ATG16L2: variants seen among roughly 807,000 people sequenced by gnomAD.
ATG16L2 encodes the protein protein Atg16l2.
ATG16L2 carries 77 observed loss-of-function variants against 84.7 expected under a neutral mutation model. That is an observed-to-expected ratio of 0.91 (90% CI 0.76 to 1.10). The LOEUF is 1.10. Ranked by LOEUF, ATG16L2 falls within the 50% of genes least tolerant of loss-of-function variation. The pLI is 0.00. For synonymous variants in ATG16L2, 361 were observed against 342.8 expected, an observed-to-expected ratio of 1.05 and a Z score of -0.59; for missense variants, 782 against 817.6, an observed-to-expected ratio of 0.96 and a Z score of 0.53.
At chr11:72,840,746 C>T in intron 5 of ATG16L2, 1 of 632,428 alleles carries the variant, frequency 1.6e-6, no homozygotes, top group Non-Finnish European at 2.8e-6. Context: ...GCTCTTTTTA[C>T]CTTCCCAAAC....
rs564099987 is a variant in ATG16L2, at chr11:72,825,230, A to G, written c.997-72A>G. 388 of 1,195,020 alleles carry G rather than the reference A, an allele frequency of 3.2e-4. 4 individuals carry two copies. In the South Asian group the frequency reaches 4.2e-3, roughly 13 times the overall value. 74.0% of individuals were successfully genotyped at this position (1,195,020 alleles called of 1,614,324 possible). ...AGGCTGTGTCTGCACAGGCACCGGT[A>G]AGAGGGCCCGTGAGCACTCACAGAG... is the stretch of plus-strand genomic sequence containing the variant. On this transcript the variant is annotated intron_variant, in intron 9 of 17. Transcript: ENST00000321297.
chr11:72,825,416 C>G lies in ATG16L2; in HGVS notation c.1102+9C>G. 4 of 1,606,788 alleles carry G rather than the reference C, an allele frequency of 2.5e-6. No homozygotes were observed. The highest frequency in any genetic ancestry group is 3.4e-6 in the Non-Finnish European group (4 of 1,177,304). ...CTGGAATGTTGTGGGAAGTAAGGAG[C>G]CCTCCCCTGCCGGCCAACTTGGTGC... On this transcript the variant is annotated intron_variant, in intron 10 of 17. Transcript: ENST00000321297.
At chr11:72,841,151 GAAT>G (rs2135150142) in intron 5 of ATG16L2, among the ~76,000 whole-genome samples, 1 of 151,884 alleles carries the variant, frequency 6.6e-6, no homozygotes, top group African/African-American at 2.4e-5. Flanking sequence ...CTGGGTGACA[GAAT>G]AATACCCTTT....
chr11:72,826,037 C>A, intron 10 of ATG16L2, 136 bp from the exon 11 acceptor site: 2 of 701,020 alleles, frequency 2.9e-6, no homozygotes, highest in East Asian at 2.8e-5. Flanking sequence ...GCAGAACAGA[C>A]CCAGCGATTC....
chr11:72,822,351 G>A lies in ATG16L2; in HGVS notation c.644+56G>A. 1 of 1,548,520 alleles carries A rather than the reference G, an allele frequency of 6.5e-7. No individual in the cohort carries two copies. Among genetic ancestry groups the A allele is most frequent in the Non-Finnish European group, 8.7e-7 (1 of 1,148,814 alleles). ...AAAGGCCCCGCCCCTGCAGGGAGGA[G>A]TCGGGCCTCGCCGGTGTCTGGAAGG... On this transcript the variant is annotated intron_variant, in intron 5 of 17. Coordinates refer to ENST00000321297, the MANE Select transcript of ATG16L2 (RefSeq NM_033388.2). This position sits in a 1 kb window ranked among gnomAD's most constrained non-coding sequence, Gnocchi z 4.2.
chr11:72,843,714 C>G, downstream of ATG16L2: 1 of 587,358 alleles, frequency 1.7e-6, no homozygotes, highest in Non-Finnish European at 3.0e-6. Flanking sequence ...AAAAACTAAA[C>G]AGAATAAAAC....
rs763885595 is a variant in ATG16L2, at chr11:72,816,828, G to A, written c.218+1G>A. 4 of 1,613,728 alleles carry A rather than the reference G, an allele frequency of 2.5e-6. No individual in the cohort carries two copies. Among genetic ancestry groups the A allele is most frequent in the Non-Finnish European group, 2.5e-6 (3 of 1,179,592 alleles). On this transcript the variant is annotated splice_donor_variant, in intron 2 of 17. Transcript: ENST00000321297. LOFTEE classifies it high-confidence loss of function. ...CTCCCACCACCCACCAGGGCCCCTG[G>A]TAAGTGTATGTGGGTCCGTGGTCAC...
chr11:72,820,787 CTGG>C (rs1392398485), intron 3 of ATG16L2, among the ~76,000 whole-genome samples: 1 of 152,112 alleles, frequency 6.6e-6, no homozygotes, highest in Non-Finnish European at 1.5e-5. Flanking sequence ...TCTTGTCACA[CTGG>C]TGGGAGCTGC....
chr11:72,820,178 C>T (rs922011517), intron 3 of ATG16L2: 32 of 152,184 alleles, frequency 2.1e-4, no homozygotes, highest in African/African-American at 7.7e-4. Context: ...TTCCTGCATC[C>T]CCTTCCCCCA....
At chr11:72,814,926 G>C (rs1859618267) in intron 1 of ATG16L2, among the ~76,000 whole-genome samples, 1 of 152,250 alleles carries the variant, frequency 6.6e-6, no homozygotes, top group African/African-American at 2.4e-5. Context: ...ACTTAGTCTC[G>C]GTAGCGCAGT....
At position 72,829,020 on chromosome 11, in the gene ATG16L2, C is replaced by T. The variant is rs770289267; in HGVS notation, c.1772+36C>T. ...CCTCCACCTGGCCACCTGCCTGGCCCCAGTCCTGCCAGGCTGATTCCAGGT... is the reference window on the plus strand; with the variant it reads ...CCTCCACCTGGCCACCTGCCTGGCCTCAGTCCTGCCAGGCTGATTCCAGGT... On this transcript the variant is annotated intron_variant, in intron 17 of 17. Transcript: ENST00000321297. 22 of 1,588,576 alleles carry T rather than the reference C, an allele frequency of 1.4e-5. No individual in the cohort carries two copies. The South Asian group carries it at 2.3e-4, about 17-fold the overall frequency.
chr11:72,823,402 T>C (rs1746189000), intron 7 of ATG16L2: 17 of 351,374 alleles, frequency 4.8e-5, no homozygotes, highest in South Asian at 3.7e-4. Flanking sequence ...CATGTGTAGA[T>C]GTGTGCTCAC....
At chr11:72,818,056 A>G (rs1859792576) in intron 3 of ATG16L2, 4 of 577,222 alleles carry the variant, frequency 6.9e-6, no homozygotes, top group South Asian at 4.1e-5. Context: ...GTGGGCTCCA[A>G]CAGCAGCTGG....
intron 9 of ATG16L2, 99 bp from the exon 10 acceptor site, chr11:72,825,203 G>C (rs1860273402): frequency 1.1e-6 from 1 of 892,072 alleles, no homozygotes; most frequent in Admixed American, 2.0e-5. Context: ...CACGTCTGCA[G>C]CAGGCTGTGT....
chr11:72,816,457 C>T (rs1859702934), intron 1 of ATG16L2: 1 of 404,988 alleles, frequency 2.5e-6, no homozygotes, highest in Non-Finnish European at 4.6e-6. Flanking sequence ...GCGGGCAGTA[C>T]CCCGCAGTGG....
chr11:72,820,108 ATTAAC>A (rs1157706884), intron 3 of ATG16L2: 4 of 152,196 alleles, frequency 2.6e-5, no homozygotes, highest in Non-Finnish European at 5.9e-5. Flanking sequence ...TATCATTATT[ATTAAC>A]TTTTTATTTT....
In ATG16L2 at chr11:72,841,000, T is replaced by C. The variant is rs546496996; in HGVS notation, c.*22-1617T>C. 4 of 1,480,636 alleles carry C rather than the reference T, an allele frequency of 2.7e-6. No individual in the cohort carries two copies. The East Asian group carries it at 9.1e-5, about 34-fold the overall frequency. The allele number at this position is 1,480,636 out of a possible 1,614,324, so 91.7% of individuals were successfully genotyped here. On this transcript the variant is annotated intron_variant, in intron 5 of 5. Transcript: ENST00000534905. Reference sequence around the variant, plus strand: ...AAAGAAGCTCATTTTACTTGAGTTGTTGAGCAATAATGCTGATGCAAGGCT... The same window carrying C: ...AAAGAAGCTCATTTTACTTGAGTTGCTGAGCAATAATGCTGATGCAAGGCT...
chr11:72,841,729 AT>A (rs1035847934), intron 5 of ATG16L2: 2 of 781,998 alleles, frequency 2.6e-6, no homozygotes, highest in Non-Finnish European at 3.9e-6. Context: ...GCAACTGAGC[AT>A]TAAATAACCA....
At position 72,821,361 on chromosome 11, in the gene ATG16L2, CCACTCTT is replaced by C. The variant is rs1025123409; in HGVS notation, c.319-304_319-298del. 11 of 1,191,068 alleles carry C rather than the reference CCACTCTT, an allele frequency of 9.2e-6. No homozygotes were observed. In the Admixed American group the frequency reaches 3.6e-4, roughly 39 times the overall value. 73.8% of individuals were successfully genotyped at this position (1,191,068 alleles called of 1,614,324 possible). A position where few individuals can be genotyped will look rare whatever the true frequency, so the allele number is the denominator to read the frequency against. On this transcript the variant is annotated intron_variant, in intron 3 of 17. Transcript: ENST00000321297. ...GTGCTGGGAGCGGAGCGCTGGCTTC[CCACTCTT>C]CAGGCGAGGCAGTGGAGCGGGTTGC...
Sources: gnomAD v4.1 joint callset for allele counts (sites outside exome capture counted in the v4.1 genomes callset) on GRCh38, gnomAD v4.1.1 for gene constraint, Gnocchi (gnomAD v3.1) non-coding constraint, MANE v1.5 for transcripts, NCBI Gene and HGNC (gene_info 2026-07-23, HGNC 2026-07-21) for gene names.